PTH1R: variants seen among roughly 807,000 people sequenced by gnomAD.
The protein encoded by PTH1R is parathyroid hormone/parathyroid hormone-related peptide receptor.
Under a neutral mutation model 70.7 loss-of-function variants are expected in PTH1R, and 32 were observed. That is an observed-to-expected ratio of 0.45 (90% CI 0.34 to 0.61). The LOEUF (loss-of-function observed/expected upper bound fraction) is 0.61. PTH1R is among the 20% of genes least tolerant of loss of function. The probability of loss-of-function intolerance (pLI) is 0.01; values close to 1 mark genes in which losing one functional copy is unlikely to be tolerated. For missense variants in PTH1R, 626 were observed against 792.5 expected (o/e 0.79, Z 2.52); for synonymous variants, 329 against 324.8 (o/e 1.01, Z -0.14).
chr3:46,901,534 C>T lies in PTH1R; in HGVS notation c.1116+54C>T, dbSNP rs907639503. 6 of 1,545,436 alleles carry T rather than the reference C, an allele frequency of 3.9e-6. No individual in the cohort carries two copies. The highest frequency in any genetic ancestry group is 2.0e-5 in the Admixed American group (1 of 51,056). On this transcript the variant is annotated intron_variant, in intron 12 of 15. Coordinates refer to ENST00000449590, the MANE Select transcript of PTH1R (RefSeq NM_000316.3). This position sits in a 1 kb window ranked among gnomAD's most constrained non-coding sequence, Gnocchi z 7.3. The stretch of plus-strand genomic sequence containing the variant: ...GGGTGGGTGGGATGTGCGCCTGCGT[C>T]CCCTGGAACCAGCCCCTGACAGGGA...
chr3:46,901,295 C>A lies in PTH1R; in HGVS notation c.1050-119C>A. The A allele has an allele frequency of 1.5e-6, 2 of 1,372,210 alleles. No homozygotes were observed. Among genetic ancestry groups the A allele is most frequent in the Non-Finnish European group, 2.0e-6 (2 of 988,976 alleles). 85.0% of individuals were successfully genotyped at this position (1,372,210 alleles called of 1,614,324 possible). A position where few individuals can be genotyped will look rare whatever the true frequency, so the allele number is the denominator to read the frequency against. ...GGGAGGCCTCAGGCCTGGCCACACC[C>A]AGCACCCCTGCCCTGTGTCCTCAAC... On this transcript the variant is annotated intron_variant, in intron 11 of 15. Transcript: ENST00000449590. The surrounding 1 kb of genome is among the most constrained non-coding windows in gnomAD (Gnocchi z 7.3).
In PTH1R at chr3:46,884,653, G is replaced by A. The variant is rs2030902720; in HGVS notation, c.75+1019G>A. ...TGCTCCCCAGTGGGGGTATCTGCCT[G>A]CTAGAGAGCAGGGCAGTCAGGCAGC... is the stretch of plus-strand genomic sequence containing the variant. On this transcript the variant is annotated intron_variant, in intron 3 of 15. Coordinates refer to ENST00000449590, the MANE Select transcript of PTH1R (RefSeq NM_000316.3). The surrounding 1 kb of genome is among the most constrained non-coding windows in gnomAD (Gnocchi z 4.8). Among the ~76,000 whole-genome samples the A allele has an allele frequency of 6.6e-6, 1 of 152,088 alleles. No homozygotes were observed. Among genetic ancestry groups the A allele is most frequent in the Admixed American group, 6.5e-5 (1 of 15,282 alleles).
intron 4 of PTH1R, among the ~76,000 whole-genome samples, 192 bp downstream of exon 4, chr3:46,894,201 T>C (rs1192697074): frequency 2.0e-5 from 3 of 152,066 alleles, no homozygotes; most frequent in Non-Finnish European, 2.9e-5. Context: ...CGGGCATCCA[T>C]GGCTTGTCCT....
In PTH1R at chr3:46,903,690, G is replaced by A. The variant is rs1159593919; in HGVS notation, c.*34G>A. The A allele has an allele frequency of 1.2e-6, 2 of 1,602,638 alleles. No individual in the cohort carries two copies. The highest frequency in any genetic ancestry group is 1.3e-5 in the African/African-American group (1 of 74,938). ...TGGGGGCTGGACCTGCTGACATAGT[G>A]GATGGACAGATGGACCAAAAGATGG... On this transcript the variant is annotated 3_prime_UTR_variant, in exon 16 of 16. Coordinates refer to ENST00000449590, the MANE Select transcript of PTH1R (RefSeq NM_000316.3). The surrounding 1 kb of genome is among the most constrained non-coding windows in gnomAD (Gnocchi z 4.4).
intron 3 of PTH1R, among the ~76,000 whole-genome samples, chr3:46,890,496 C>CTTTTTT (rs71619664): frequency 9.1e-4 from 66 of 72,342 alleles, no homozygotes; most frequent in South Asian, 1.2e-3. Context: ...TTCACAGCAG[C>CTTTTTT]TTTTTTTTTT....
chr3:46,902,460 G>T lies in PTH1R; in HGVS notation c.1212-66G>T, dbSNP rs912827375. ...CCGGAGCCTGGGGCTCGCAGGGTGG[G>T]GGGTGGCACAATGCTTGTTGAAGGG... On this transcript the variant is annotated intron_variant, in intron 13 of 15. Transcript: ENST00000449590. This position sits in a 1 kb window ranked among gnomAD's most constrained non-coding sequence, Gnocchi z 5.4. The T allele has an allele frequency of 5.2e-5, 82 of 1,590,058 alleles. No individual in the cohort carries two copies. The highest frequency in any genetic ancestry group is 6.9e-5 in the Non-Finnish European group (81 of 1,169,100).
rs2030896526 is a variant in PTH1R, at chr3:46,884,569, C to CG, written c.75+936dup. On this transcript the variant is annotated intron_variant, in intron 3 of 15. Coordinates refer to ENST00000449590, the MANE Select transcript of PTH1R (RefSeq NM_000316.3). The surrounding 1 kb of genome is among the most constrained non-coding windows in gnomAD (Gnocchi z 4.8). ...TCCACAGCAACCCCATCCCCTGGGA[C>CG]GAGCCCGTTCCTGGGGAGGCTGTCT... Among the ~76,000 whole-genome samples, 1 of 152,156 alleles carries CG rather than the reference C, an allele frequency of 6.6e-6. No individual in the cohort carries two copies. The highest frequency in any genetic ancestry group is 1.5e-5 in the Non-Finnish European group (1 of 68,020).
chr3:46,902,110 G>A lies in PTH1R; in HGVS notation c.1211+250G>A, dbSNP rs1468521491. Among the ~76,000 whole-genome samples, 10 of 152,186 alleles carry A rather than the reference G, an allele frequency of 6.6e-5. No homozygotes were observed. The highest frequency in any genetic ancestry group is 1.9e-4 in the East Asian group (1 of 5,190). ...GAGCTGGAGTCTGTGAGTGTGCAAC[G>A]AACTTGAACCTCTCCTCAAAGAGTT... is the stretch of plus-strand genomic sequence containing the variant. On this transcript the variant is annotated intron_variant, in intron 13 of 15. Coordinates refer to ENST00000449590, the MANE Select transcript of PTH1R (RefSeq NM_000316.3). This position sits in a 1 kb window ranked among gnomAD's most constrained non-coding sequence, Gnocchi z 5.4.
At position 46,902,770 on chromosome 3, in the gene PTH1R, T is replaced by C; in HGVS notation, c.1375T>C (p.Tyr459His). 1 of 1,613,918 alleles carries C rather than the reference T, an allele frequency of 6.2e-7. No individual in the cohort carries two copies. Among genetic ancestry groups the C allele is most frequent in the Non-Finnish European group, 8.5e-7 (1 of 1,180,028 alleles). Residue 459 changes from tyrosine to histidine, a missense_variant, in exon 15 of 16, where the codon TAC (tyrosine) becomes CAC (histidine). Tyr to His is a moderately conservative substitution (Grantham distance 83). Coordinates refer to ENST00000449590, the MANE Select transcript of PTH1R (RefSeq NM_000316.3). This position sits in a 1 kb window ranked among gnomAD's most constrained non-coding sequence, Gnocchi z 5.4. Reference sequence around the variant, plus strand: ...ACAGGGATTTTTTGTCGCAATCATATACTGTTTCTGCAATGGCGAGGTAAG... The same window carrying C: ...ACAGGGATTTTTTGTCGCAATCATACACTGTTTCTGCAATGGCGAGGTAAG... Reference protein sequence around the residue: ...SFQGFFVAIIYCFCNGEVQAE... With the variant: ...SFQGFFVAIIHCFCNGEVQAE...
At chr3:46,887,358 G>A (rs1479501936) in intron 3 of PTH1R, among the ~76,000 whole-genome samples, 1 of 151,910 alleles carries the variant, frequency 6.6e-6, no homozygotes, top group Non-Finnish European at 1.5e-5. Flanking sequence ...GAGAGGCTGA[G>A]GAGGGAGAAT....
chr3:46,898,943 C>T (rs2107042165), intron 9 of PTH1R, 86 bp downstream of exon 9: 9 of 988,090 alleles, frequency 9.1e-6, no homozygotes, highest in Non-Finnish European at 1.3e-5. Flanking sequence ...CGGCCCTCGC[C>T]CTGCCCGCCT....
At chr3:46,898,584 C>CGGCG in intron 8 of PTH1R, 78 bp from the exon 9 acceptor site, 1 of 1,600,626 alleles carries the variant, frequency 6.2e-7, no homozygotes, top group Non-Finnish European at 8.5e-7. Flanking sequence ...TCCCTACCTA[C>CGGCG]GGCGCACAAC....
chr3:46,901,409 C>G lies in PTH1R; in HGVS notation c.1050-5C>G. 6.4e-7 allele frequency: 1 copy of G among 1,567,108 alleles called. No homozygotes were observed. Among genetic ancestry groups the G allele is most frequent in the East Asian group, 2.4e-5 (1 of 42,368 alleles). ...GATGGGAGCTAATGCCTCAACCTCC[C>G]CCAGGTGCTGGGACTTGAGCTCCGG... On this transcript the variant is annotated splice_polypyrimidine_tract_variant and splice_region_variant and intron_variant, in intron 11 of 15. Transcript: ENST00000449590. This position sits in a 1 kb window ranked among gnomAD's most constrained non-coding sequence, Gnocchi z 7.3.
intron 5 of PTH1R, 35 bp from the exon 6 acceptor site, chr3:46,897,820 T>G: frequency 6.3e-7 from 1 of 1,580,842 alleles, no homozygotes; most frequent in East Asian, 2.2e-5. Context: ...TGACTCTCCC[T>G]TGGTATCCCC....
chr3:46,895,886 A>C lies in PTH1R; in HGVS notation c.313+17A>C. 1.9e-6 allele frequency: 3 copies of C among 1,611,200 alleles called. No homozygotes were observed. The highest frequency in any genetic ancestry group is 1.7e-6 in the Non-Finnish European group (2 of 1,179,374). On this transcript the variant is annotated intron_variant, in intron 5 of 15. Coordinates refer to ENST00000449590, the MANE Select transcript of PTH1R (RefSeq NM_000316.3). ...GGTACCGAGGTACGTCTCTGCTTCC[A>C]TGCATCCAGCTGGCATGGGCTTGGA...
intron 10 of PTH1R, among the ~76,000 whole-genome samples, chr3:46,899,752 C>A (rs2107047531): frequency 6.6e-6 from 1 of 152,320 alleles, no homozygotes; most frequent in East Asian, 1.9e-4. Flanking sequence ...GAGTAGGATA[C>A]TGGGTCAGAG....
rs548131293 is a variant in PTH1R at position 46,891,816 on chromosome 3, AGTG to A, written c.76-2079_76-2077del. Reference sequence around the variant, plus strand: ...TGCTCATGGTGGTAACGGTGATGCCAGTGGTGGTGGTGGTAGTACTGGGAGGGA... The same window carrying A: ...TGCTCATGGTGGTAACGGTGATGCCAGTGGTGGTGGTAGTACTGGGAGGGA... On this transcript the variant is annotated intron_variant, in intron 3 of 15. Coordinates refer to ENST00000449590, the MANE Select transcript of PTH1R (RefSeq NM_000316.3). The surrounding 1 kb of genome is among the most constrained non-coding windows in gnomAD (Gnocchi z 4.3). 1.3e-5 allele frequency among the ~76,000 whole-genome samples: 2 copies of A among 152,056 alleles called. No individual in the cohort carries two copies. The highest frequency in any genetic ancestry group is 1.9e-4 in the East Asian group (1 of 5,192).
chr3:46,894,087 G>C, intron 4 of PTH1R, 78 bp downstream of exon 4: 1 of 1,466,364 alleles, frequency 6.8e-7, no homozygotes, highest in East Asian at 2.3e-5. Context: ...CCAGGATACA[G>C]AGCCAGGTGA....
chr3:46,882,205 G>A lies in PTH1R; in HGVS notation c.-49+1087G>A, dbSNP rs1467884460. 6.6e-6 allele frequency: 1 copy of A among 151,872 alleles called. No homozygotes were observed. Among genetic ancestry groups the A allele is most frequent in the Non-Finnish European group, 1.5e-5 (1 of 67,908 alleles). The allele number at this position is 151,872 out of a possible 1,614,324, so 9.4% of individuals were successfully genotyped here. A position where few individuals can be genotyped will look rare whatever the true frequency, so the allele number is the denominator to read the frequency against. On this transcript the variant is annotated intron_variant, in intron 2 of 15. Coordinates refer to ENST00000449590, the MANE Select transcript of PTH1R (RefSeq NM_000316.3). This position sits in a 1 kb window ranked among gnomAD's most constrained non-coding sequence, Gnocchi z 4.3. ...GAGGGGGTGGGGGCGGGAGAGGCCCGGGAGGGCGCGGGGGAGGGAAGAGGC... is the reference window on the plus strand; with the variant it reads ...GAGGGGGTGGGGGCGGGAGAGGCCCAGGAGGGCGCGGGGGAGGGAAGAGGC...
Sources: allele counts gnomAD v4.1 joint callset (sites outside exome capture counted in the v4.1 genomes callset), GRCh38; gene constraint gnomAD v4.1.1; non-coding constraint Gnocchi (gnomAD v3.1); transcripts MANE v1.5; gene names NCBI Gene and HGNC (gene_info 2026-07-23, HGNC 2026-07-21).